PTPRG: variants seen among roughly 807,000 people sequenced by gnomAD.
PTPRG encodes the protein protein tyrosine phosphatase receptor type G, also known as receptor-type tyrosine-protein phosphatase gamma.
In PTPRG, 102 loss-of-function variants were observed where a neutral mutation model predicts 165.3. The ratio of observed to expected loss-of-function variants is 0.62; its 90% confidence interval spans 0.53 to 0.73. The LOEUF is 0.73. PTPRG is among the 30% of genes least tolerant of loss of function. PTPRG has a pLI of 0.00. For synonymous variants in PTPRG, 675 were observed against 669.5 expected (o/e 1.01, Z -0.13); for missense variants, 1,866 against 1,861.4 (o/e 1.00, Z -0.05).
intron 1 of PTPRG, among the ~76,000 whole-genome samples, chr3:61,726,997 A>C (rs900600136): frequency 3.3e-5 from 5 of 150,684 alleles, no homozygotes; most frequent in Non-Finnish European, 7.4e-5. Flanking sequence ...CAGTGAGCCG[A>C]GATTGTGCCA....
intron 12 of PTPRG, among the ~76,000 whole-genome samples, chr3:62,205,316 A>G (rs1040102934): frequency 2.6e-5 from 4 of 152,122 alleles, no homozygotes; most frequent in African/African-American, 9.7e-5. Context: ...AATTACTTTG[A>G]AAAAGTTGAA....
intron 2 of PTPRG, among the ~76,000 whole-genome samples, chr3:61,957,977 C>T (rs2040070583): frequency 6.6e-6 from 1 of 152,048 alleles, no homozygotes; most frequent in Non-Finnish European, 1.5e-5. Flanking sequence ...GGAGCATTTG[C>T]CTTAATGAGG....
At chr3:61,602,927 T>A (rs1201473727) in intron 1 of PTPRG, among the ~76,000 whole-genome samples, 1 of 152,252 alleles carries the variant, frequency 6.6e-6, no homozygotes, top group African/African-American at 2.4e-5. Context: ...CACTTCCTAA[T>A]GATTTTCCTG....
intron 2 of PTPRG, among the ~76,000 whole-genome samples, chr3:61,979,719 G>A (rs1228863871): frequency 2.0e-5 from 3 of 152,130 alleles, no homozygotes; most frequent in African/African-American, 4.8e-5. Flanking sequence ...TGGCTTTACC[G>A]CATAAATATG....
In PTPRG at chr3:61,965,784, T is replaced by A. The variant is rs150460717; in HGVS notation, c.191-23841T>A. Among the ~76,000 whole-genome samples the A allele has an allele frequency of 4.6e-5, 7 of 152,378 alleles. No homozygotes were observed. The East Asian group carries it at 1.3e-3, about 29-fold the overall frequency. ...TTAGGTGCTGCAATTATTCTCATTT[T>A]GTAAACAAGGAAACAGATGAAGAGT... On this transcript the variant is annotated intron_variant, in intron 2 of 29. Coordinates refer to ENST00000474889, the MANE Select transcript of PTPRG (RefSeq NM_002841.4).
chr3:61,827,722 A>T (rs138485435), intron 2 of PTPRG, among the ~76,000 whole-genome samples: 5 of 152,356 alleles, frequency 3.3e-5, no homozygotes, highest in African/African-American at 1.2e-4. Flanking sequence ...CATACATGAT[A>T]AACAGCATGA....
rs572079820 is a variant in PTPRG at position 62,109,644 on chromosome 3, A to C, written c.616-22958A>C. Among the ~76,000 whole-genome samples the C allele has an allele frequency of 3.3e-5, 5 of 152,226 alleles. No individual in the cohort carries two copies. In the South Asian group the frequency reaches 1.0e-3, roughly 32 times the overall value. On this transcript the variant is annotated intron_variant, in intron 5 of 29. Coordinates refer to ENST00000474889, the MANE Select transcript of PTPRG (RefSeq NM_002841.4). ...GGACACTGGGGGCACTGCAGAGGGA[A>C]GTCAGAGGTGGGGCTTTCCCTCCTG...
At position 62,273,813 on chromosome 3, in the gene PTPRG, G is replaced by A. The variant is rs564946145; in HGVS notation, c.3434G>A (p.Gly1145Glu). ...YVNSILIPGV[G>E]GKTRLEKQFK... The stretch of plus-strand genomic sequence containing the variant: ...AACAGCATCCTTATACCAGGAGTAG[G>A]AGGAAAGACACGACTGGAAAAGCAA... Residue 1145 changes from glycine to glutamate, a missense_variant, in exon 23 of 30, where the codon GGA (glycine) becomes GAA (glutamate). Physicochemically the swap from Gly to Glu is moderately conservative, Grantham distance 98 (BLOSUM62 -2). Around this residue, in one of 3 missense-constraint regions of PTPRG, gnomAD observed 1,452 missense variants for 1,463.0 expected, o/e 0.99. Coordinates refer to ENST00000474889, the MANE Select transcript of PTPRG (RefSeq NM_002841.4). The surrounding 1 kb of genome is among the most constrained non-coding windows in gnomAD (Gnocchi z 4.1). 39 of 1,613,822 alleles carry A rather than the reference G, an allele frequency of 2.4e-5. No individual in the cohort carries two copies. The South Asian group carries it at 3.4e-4, about 14-fold the overall frequency.
At chr3:61,668,566 G>C (rs1472370270) in intron 1 of PTPRG, among the ~76,000 whole-genome samples, 2 of 152,120 alleles carry the variant, frequency 1.3e-5, no homozygotes, top group Admixed American at 6.6e-5. Flanking sequence ...GTTAGGTGGG[G>C]GGAGACCAAG....
At chr3:61,755,828 A>G (rs1159898498) in intron 2 of PTPRG, among the ~76,000 whole-genome samples, 3 of 152,224 alleles carry the variant, frequency 2.0e-5, no homozygotes, top group Non-Finnish European at 4.4e-5. Flanking sequence ...TACTAGTGAC[A>G]TAGAACTTCT....
At chr3:61,717,787 TTAAAAA>T (rs1486857190) in intron 1 of PTPRG, among the ~76,000 whole-genome samples, 4 of 150,090 alleles carry the variant, frequency 2.7e-5, no homozygotes, top group South Asian at 2.1e-4. Context: ...GACCCTGTCT[TTAAAAA>T]TAAAAATAAA....
At chr3:62,267,055 C>T (rs1045242856) in intron 17 of PTPRG, among the ~76,000 whole-genome samples, 1 of 151,918 alleles carries the variant, frequency 6.6e-6, no homozygotes, top group Non-Finnish European at 1.5e-5. Context: ...AGATCAGTCA[C>T]CCTTTTATAT....
chr3:61,717,765 G>C (rs1455956857), intron 1 of PTPRG, among the ~76,000 whole-genome samples: 1 of 152,020 alleles, frequency 6.6e-6, no homozygotes. Flanking sequence ...CTCCAGCCTG[G>C]CGACAGAGCC....
At chr3:62,007,048 G>C (rs1213903257) in intron 4 of PTPRG, among the ~76,000 whole-genome samples, 1 of 152,174 alleles carries the variant, frequency 6.6e-6, no homozygotes, top group Admixed American at 6.5e-5. Flanking sequence ...CAGCATTGCT[G>C]TTCCTGGTTT....
At chr3:62,078,820 C>T (rs1229126453) in intron 5 of PTPRG, among the ~76,000 whole-genome samples, 2 of 152,122 alleles carry the variant, frequency 1.3e-5, no homozygotes, top group Non-Finnish European at 2.9e-5. Context: ...GATTCTGCAC[C>T]TAGAATCCCA....
chr3:62,020,677 C>G (rs1280477936), intron 4 of PTPRG, among the ~76,000 whole-genome samples: 2 of 152,008 alleles, frequency 1.3e-5, no homozygotes, highest in African/African-American at 4.8e-5. Context: ...GCAGCAAGTA[C>G]TTAGCAGGGG....
intron 5 of PTPRG, among the ~76,000 whole-genome samples, chr3:62,122,889 G>A (rs983074474): frequency 6.6e-6 from 1 of 152,192 alleles, no homozygotes; most frequent in Non-Finnish European, 1.5e-5. Flanking sequence ...ATGGTGTTGT[G>A]TGGGTTCATT....
At chr3:61,979,844 C>T (rs186601713) in intron 2 of PTPRG, among the ~76,000 whole-genome samples, 418 of 152,200 alleles carry the variant, frequency 2.7e-3, no homozygotes, top group African/African-American at 9.4e-3. Flanking sequence ...CTGTCTGCAC[C>T]CTGTGAAGTG....
chr3:62,147,415 T>C (rs144703252), intron 6 of PTPRG, among the ~76,000 whole-genome samples: 16 of 152,348 alleles, frequency 1.1e-4, no homozygotes, highest in African/African-American at 3.4e-4. Context: ...ACTCAGAAAG[T>C]TGACGGGGCC....
Sources: gnomAD v4.1 joint callset for allele counts (sites outside exome capture counted in the v4.1 genomes callset) on GRCh38, gnomAD v4.1.1 for gene constraint, gnomAD v4.1.1 regional missense constraint, Gnocchi (gnomAD v3.1) non-coding constraint, MANE v1.5 for transcripts, NCBI Gene and HGNC (gene_info 2026-07-23, HGNC 2026-07-21) for gene names.